LRRTM4: variants seen among roughly 807,000 people sequenced by gnomAD.
LRRTM4 encodes the protein leucine rich repeat transmembrane neuronal 4, also known as leucine-rich repeat transmembrane neuronal protein 4.
In LRRTM4, 25 loss-of-function variants were observed where a neutral mutation model predicts 47.6. The observed-to-expected ratio is 0.53, with a 90% CI of 0.38 to 0.73. The LOEUF (loss-of-function observed/expected upper bound fraction) is 0.73, where lower values mean the gene tolerates loss of function less well. Ranked by LOEUF, LRRTM4 falls within the 30% of genes least tolerant of loss-of-function variation. LRRTM4 has a pLI of 0.00. For missense variants in LRRTM4, 638 were observed against 713.4 expected (o/e 0.89, Z 1.20); for synonymous variants, 311 against 269.5 (o/e 1.15, Z -1.51).
intron 3 of LRRTM4, among the ~76,000 whole-genome samples, chr2:76,880,355 C>T (rs1279261231): frequency 6.6e-6 from 1 of 152,114 alleles, no homozygotes; most frequent in Non-Finnish European, 1.5e-5. Context: ...GAGTCAAGAC[C>T]CTTCACCAGC....
chr2:77,490,906 A>G (rs561262643), intron 3 of LRRTM4, among the ~76,000 whole-genome samples: 1 of 152,352 alleles, frequency 6.6e-6, no homozygotes, highest in South Asian at 2.1e-4. Flanking sequence ...AAAAAAAAGC[A>G]AACTGAAAAA....
At chr2:77,070,902 G>C (rs1432578486) in intron 3 of LRRTM4, among the ~76,000 whole-genome samples, 1 of 152,160 alleles carries the variant, frequency 6.6e-6, no homozygotes, top group African/African-American at 2.4e-5. Flanking sequence ...ACAGGTGTGA[G>C]CCACTGTGCC....
chr2:77,058,876 T>A (rs1354663455), intron 3 of LRRTM4, among the ~76,000 whole-genome samples: 1 of 152,166 alleles, frequency 6.6e-6, no homozygotes, highest in Non-Finnish European at 1.5e-5. Flanking sequence ...TTCCTTTGAA[T>A]CTTAAGACAG....
chr2:76,795,569 G>GCATATATACATGTA (rs1558658450), intron 3 of LRRTM4, among the ~76,000 whole-genome samples: 17 of 139,578 alleles, frequency 1.2e-4, no homozygotes, highest in Admixed American at 1.2e-3. Flanking sequence ...ATATACATGT[G>GCATATATACATGTA]CATATATATG....
At chr2:76,997,066 T>TG (rs1030126374) in intron 3 of LRRTM4, among the ~76,000 whole-genome samples, 22 of 152,080 alleles carry the variant, frequency 1.4e-4, no homozygotes, top group Non-Finnish European at 3.1e-4. Flanking sequence ...CAGAGCTAGA[T>TG]TTTTTTAGAT....
intron 3 of LRRTM4, among the ~76,000 whole-genome samples, chr2:76,971,997 G>C (rs1235317593): frequency 3.3e-5 from 5 of 152,006 alleles, no homozygotes; most frequent in Non-Finnish European, 5.9e-5. Flanking sequence ...GGGAGCAGAA[G>C]CCTTTATTGT....
intron 3 of LRRTM4, among the ~76,000 whole-genome samples, chr2:76,801,574 T>G (rs1675684391): frequency 6.6e-6 from 1 of 151,754 alleles, no homozygotes; most frequent in South Asian, 2.1e-4. Context: ...AGATGATGAG[T>G]TAGTGGGTGC....
chr2:77,444,431 G>A (rs1006544573), intron 3 of LRRTM4, among the ~76,000 whole-genome samples: 3 of 151,968 alleles, frequency 2.0e-5, no homozygotes, highest in African/African-American at 4.8e-5. Context: ...TTTCCTTCAT[G>A]TTATTTTTAT....
intron 3 of LRRTM4, among the ~76,000 whole-genome samples, chr2:77,105,700 T>G (rs2103921314): frequency 6.6e-6 from 1 of 152,252 alleles, no homozygotes; most frequent in East Asian, 1.9e-4. Flanking sequence ...CATACTAAAA[T>G]ATTTACAGAA....
chr2:76,888,137 T>C (rs1487636573), intron 3 of LRRTM4, among the ~76,000 whole-genome samples: 2 of 150,940 alleles, frequency 1.3e-5, no homozygotes, highest in East Asian at 3.9e-4. Context: ...TGTGTATATA[T>C]GTATTACCTA....
At chr2:76,950,088 G>A (rs1387089742) in intron 3 of LRRTM4, among the ~76,000 whole-genome samples, 1 of 151,920 alleles carries the variant, frequency 6.6e-6, no homozygotes, top group African/African-American at 2.4e-5. Flanking sequence ...CACAAATTAT[G>A]AAAACAGTAG....
At chr2:76,897,792 T>C (rs980782267) in intron 3 of LRRTM4, among the ~76,000 whole-genome samples, 5 of 152,154 alleles carry the variant, frequency 3.3e-5, no homozygotes, top group Non-Finnish European at 7.4e-5. Flanking sequence ...TTAGGATTGT[T>C]ACTGGCTCTG....
intron 3 of LRRTM4, among the ~76,000 whole-genome samples, chr2:77,503,269 G>C (rs929021325): frequency 6.6e-6 from 1 of 151,626 alleles, no homozygotes; most frequent in African/African-American, 2.4e-5. Context: ...GAATGAATTT[G>C]AGATTTATTT....
intron 3 of LRRTM4, among the ~76,000 whole-genome samples, chr2:77,319,055 T>A (rs1677709723): frequency 6.6e-6 from 1 of 152,088 alleles, no homozygotes; most frequent in Admixed American, 6.5e-5. Flanking sequence ...CTACAGTTAA[T>A]TATCATGGGT....
At chr2:77,183,680 C>T (rs1192427513) in intron 3 of LRRTM4, among the ~76,000 whole-genome samples, 1 of 152,106 alleles carries the variant, frequency 6.6e-6, no homozygotes, top group Non-Finnish European at 1.5e-5. Context: ...TGGAACCAAG[C>T]CAAATATCCA....
chr2:77,044,649 A>T (rs1238186377), intron 3 of LRRTM4, among the ~76,000 whole-genome samples: 1 of 151,588 alleles, frequency 6.6e-6, no homozygotes, highest in Middle Eastern at 3.2e-3. Context: ...ACACACAAAC[A>T]TATACAAACA....
intron 3 of LRRTM4, among the ~76,000 whole-genome samples, chr2:76,797,019 C>G (rs367863787): frequency 8.5e-5 from 13 of 152,150 alleles, no homozygotes; most frequent in African/African-American, 2.6e-4. Context: ...GGGGAGAATG[C>G]AAACAAGTTG....
intron 3 of LRRTM4, among the ~76,000 whole-genome samples, chr2:76,795,210 GAAATT>G (rs758427925): frequency 1.4e-4 from 22 of 152,034 alleles, no homozygotes; most frequent in South Asian, 1.0e-3. Context: ...AATAACCAAA[GAAATT>G]AAATTAATGA....
intron 3 of LRRTM4, among the ~76,000 whole-genome samples, chr2:77,417,225 T>C (rs1674671055): frequency 6.6e-6 from 1 of 152,116 alleles, no homozygotes; most frequent in Non-Finnish European, 1.5e-5. Context: ...TGGCAGTCAT[T>C]AAAAGGTCAG....
Sources: gnomAD v4.1 joint callset for allele counts (sites outside exome capture counted in the v4.1 genomes callset) on GRCh38, gnomAD v4.1.1 for gene constraint, MANE v1.5 for transcripts, NCBI Gene and HGNC (gene_info 2026-07-23, HGNC 2026-07-21) for gene names.